Variants in MYRIP observed in about 807,000 individuals in gnomAD.
MYRIP encodes the protein myosin VIIA and Rab interacting protein.
In MYRIP, 49 loss-of-function variants were observed where a neutral mutation model predicts 98.0. That is an observed-to-expected ratio of 0.50 (90% CI 0.40 to 0.63). MYRIP has a LOEUF of 0.63. Among genes scored for constraint, MYRIP ranks in the 30% least tolerant of loss-of-function variants. The pLI, the probability that MYRIP is intolerant of heterozygous loss-of-function variation, is 0.00. For synonymous variants in MYRIP, 404 were observed against 409.5 expected (o/e 0.99, Z 0.16); for missense variants, 1,004 against 1,058.2 (o/e 0.95, Z 0.71).
intron 8 of MYRIP, among the ~76,000 whole-genome samples, chr3:40,179,013 C>A (rs1375146467): frequency 6.6e-6 from 1 of 152,200 alleles, no homozygotes; most frequent in Non-Finnish European, 1.5e-5. Context: ...ATAAGTAAGA[C>A]AAGCAGAGTC....
intron 3 of MYRIP, among the ~76,000 whole-genome samples, chr3:40,092,592 T>C (rs1055971162): frequency 3.3e-5 from 5 of 152,164 alleles, no homozygotes; most frequent in African/African-American, 1.2e-4. Flanking sequence ...AGGTGAAGGT[T>C]CTTAAAGTCA....
intron 2 of MYRIP, among the ~76,000 whole-genome samples, chr3:39,985,070 G>GGTT (rs1382927528): frequency 9.2e-6 from 1 of 108,914 alleles, no homozygotes; most frequent in Non-Finnish European, 1.8e-5. Flanking sequence ...TTTTTGATGG[G>GGTT]GTTTTGTTTT....
chr3:40,243,271 C>T (rs1953082946), intron 12 of MYRIP, among the ~76,000 whole-genome samples: 1 of 152,056 alleles, frequency 6.6e-6, no homozygotes, highest in South Asian at 2.1e-4. Context: ...CCTGTACCTG[C>T]CTTTGCTCCA....
chr3:40,224,530 C>T (rs1952436197), intron 11 of MYRIP, among the ~76,000 whole-genome samples: 1 of 152,172 alleles, frequency 6.6e-6, no homozygotes, highest in Non-Finnish European at 1.5e-5. Context: ...CCCCCATTTC[C>T]CCGCTTAGTT....
chr3:40,190,452 G>A lies in MYRIP; in HGVS notation c.1654G>A (p.Asp552Asn). Residue 552 changes from aspartate (D) to asparagine (N), a missense_variant, in exon 10 of 17, where the codon GAC becomes AAC. By Grantham distance (23) the Asp-to-Asn change is conservative. Around this residue, in one of 3 missense-constraint regions of MYRIP, gnomAD observed 880 missense variants for 907.7 expected, o/e 0.97. Transcript: ENST00000302541. ...CCCCAGCGCCCAGCTCCGGGATCTA[G>A]ACACACATCAGGTAATGGAAGTGCA... ...SSPSAQLRDL[D>N]THQVSDDLSE... 1 of 1,592,542 alleles carries A rather than the reference G, an allele frequency of 6.3e-7. No homozygotes were observed. The highest frequency in any genetic ancestry group is 1.1e-5 in the South Asian group (1 of 87,518).
rs771378902 is a variant in MYRIP at position 40,044,148 on chromosome 3, C to T, written c.209C>T (p.Pro70Leu). 6.2e-7 allele frequency: 1 copy of T among 1,614,164 alleles called. No homozygotes were observed. The highest frequency in any genetic ancestry group is 8.5e-7 in the Non-Finnish European group (1 of 1,180,020). Reference sequence around the variant, plus strand: ...CACTGCTGCATGCGCTGCTGCTCGCCCTTCACCTTCCTCGTCAACACCAAG... The same window carrying T: ...CACTGCTGCATGCGCTGCTGCTCGCTCTTCACCTTCCTCGTCAACACCAAG... ...VEHCCMRCCS[P>L]FTFLVNTKRQ... Residue 70 changes from proline (P) to leucine (L), a missense_variant, in exon 3 of 17, where the codon CCC becomes CTC. Pro to Leu is a moderately conservative substitution (Grantham distance 98, BLOSUM62 -3). Coordinates refer to ENST00000302541, the MANE Select transcript of MYRIP (RefSeq NM_015460.4).
chr3:40,198,088 C>A (rs1951448486), intron 10 of MYRIP, among the ~76,000 whole-genome samples: 1 of 152,166 alleles, frequency 6.6e-6, no homozygotes, highest in Admixed American at 6.5e-5. Flanking sequence ...AGTCTCTACC[C>A]CAGGGCTTAC....
chr3:40,009,247 T>C (rs1441281150), intron 2 of MYRIP, among the ~76,000 whole-genome samples: 1 of 151,322 alleles, frequency 6.6e-6, no homozygotes, highest in African/African-American at 2.4e-5. Flanking sequence ...CTTTTTTTTT[T>C]TTTTTTTGAG....
chr3:40,204,230 TATATA>T (rs1368225932), intron 10 of MYRIP, among the ~76,000 whole-genome samples: 1 of 21,026 alleles, frequency 4.8e-5, no homozygotes, highest in African/African-American at 1.7e-4. Context: ...TATAAATATA[TATATA>T]TTTTTTTTTT....
intron 2 of MYRIP, among the ~76,000 whole-genome samples, chr3:40,028,264 C>A (rs909659436): frequency 6.6e-6 from 1 of 152,106 alleles, no homozygotes; most frequent in South Asian, 2.1e-4. Flanking sequence ...AAGGAGACTA[C>A]ACCAGATGTA....
chr3:40,141,137 G>A (rs1338752484), intron 3 of MYRIP, among the ~76,000 whole-genome samples: 1 of 151,928 alleles, frequency 6.6e-6, no homozygotes, highest in Non-Finnish European at 1.5e-5. Context: ...TTGATTTTTA[G>A]GTCCCACAAA....
chr3:40,154,054 C>T (rs536498330), intron 4 of MYRIP, among the ~76,000 whole-genome samples: 19 of 151,848 alleles, frequency 1.3e-4, no homozygotes, highest in Non-Finnish European at 2.2e-4. Context: ...GCAGAGGAAT[C>T]GCTTGAACCT....
chr3:40,001,280 A>T (rs117428703), intron 2 of MYRIP, among the ~76,000 whole-genome samples: 1 of 152,340 alleles, frequency 6.6e-6, no homozygotes, highest in East Asian at 1.9e-4. Flanking sequence ...AGACTTGCAA[A>T]TGGGAAAGTG....
intron 3 of MYRIP, among the ~76,000 whole-genome samples, chr3:40,084,643 C>T (rs1238975170): frequency 2.1e-5 from 3 of 142,860 alleles, no homozygotes; most frequent in African/African-American, 7.8e-5. Context: ...TATTATATAT[C>T]GATAATACAC....
At chr3:39,878,248 C>T (rs1267221985) in intron 1 of MYRIP, among the ~76,000 whole-genome samples, 1 of 152,226 alleles carries the variant, frequency 6.6e-6, no homozygotes, top group Admixed American at 6.5e-5. Flanking sequence ...TGCTGTCTGT[C>T]ACCCCTTTCT....
intron 3 of MYRIP, among the ~76,000 whole-genome samples, chr3:40,078,833 G>A (rs1948412778): frequency 1.3e-5 from 2 of 152,178 alleles, no homozygotes; most frequent in Non-Finnish European, 2.9e-5. Flanking sequence ...GCCACAGACT[G>A]CCCGTTCTGC....
At chr3:40,105,063 G>A (rs1373487179) in intron 3 of MYRIP, among the ~76,000 whole-genome samples, 1 of 151,978 alleles carries the variant, frequency 6.6e-6, no homozygotes, top group Non-Finnish European at 1.5e-5. Context: ...GGTTGCCTGT[G>A]TTGTTCCTTG....
chr3:40,119,805 T>C (rs1949361328), intron 3 of MYRIP, among the ~76,000 whole-genome samples: 1 of 151,986 alleles, frequency 6.6e-6, no homozygotes, highest in Non-Finnish European at 1.5e-5. Flanking sequence ...TTAGGAGATA[T>C]ACCTAATGCT....
intron 2 of MYRIP, among the ~76,000 whole-genome samples, chr3:39,974,409 A>G (rs140099204): frequency 0.015 from 2,309 of 152,278 alleles, 50 homozygotes; most frequent in African/African-American, 0.051. Flanking sequence ...GCAATAATTA[A>G]TAGCTTACCA....
Sources: allele counts gnomAD v4.1 joint callset (sites outside exome capture counted in the v4.1 genomes callset), GRCh38; gene constraint gnomAD v4.1.1; regional missense constraint gnomAD v4.1.1; transcripts MANE v1.5; gene names NCBI Gene and HGNC (gene_info 2026-07-23, HGNC 2026-07-21).